Variants in RHD observed in about 807,000 individuals in gnomAD.
The protein encoded by RHD is blood group Rh(D) polypeptide.
A neutral mutation model predicts 45.5 loss-of-function variants in RHD; 16 were observed. The observed-to-expected ratio is 0.35, with a 90% confidence interval of 0.24 to 0.53. The LOEUF (loss-of-function observed/expected upper bound fraction) is 0.53, where lower values mean the gene tolerates loss of function less well. Ranked by LOEUF, RHD falls within the 20% of genes least tolerant of loss-of-function variation. RHD has a pLI of 0.92. For missense variants in RHD, 306 were observed against 532.0 expected (o/e 0.58, Z 4.18); for synonymous variants, 131 against 217.5 (o/e 0.60, Z 3.50).
At position 25,278,152 on chromosome 1, in the gene RHD, T is replaced by C. The variant is rs1172171239; in HGVS notation, c.148+5457T>C. 3.1e-5 allele frequency among the ~76,000 whole-genome samples: 4 copies of C among 129,226 alleles called. 1 individual carries two copies. The highest frequency in any genetic ancestry group is 5.5e-5 in the Non-Finnish European group (3 of 54,656). The allele number at this position is 129,226 out of a possible 152,430, so 84.8% of individuals were successfully genotyped here. A position where few individuals can be genotyped will look rare whatever the true frequency, so the allele number is the denominator to read the frequency against. Reference sequence around the variant, plus strand: ...AGATGGGCAGGGGCAGTGGAGGAGATTCTAGAGATATTTAGGAGATAAGTC... The same window carrying C: ...AGATGGGCAGGGGCAGTGGAGGAGACTCTAGAGATATTTAGGAGATAAGTC... On this transcript the variant is annotated intron_variant, in intron 1 of 9. Transcript: ENST00000328664.
rs1557534404 is a variant in RHD at position 25,295,851 on chromosome 1, T to TTTTTTTG, written c.486+5066_486+5067insGTTTTTT. On this transcript the variant is annotated intron_variant, in intron 3 of 9. Transcript: ENST00000328664. ...ATGGTCTGGGAGGGAATATGGGAAA[T>TTTTTTTG]TTTTTTTTTTTTTTTTTTTTTTTTT... 8.8e-5 allele frequency among the ~76,000 whole-genome samples: 3 copies of TTTTTTTG among 34,132 alleles called. 1 individual carries two copies. The highest frequency in any genetic ancestry group is 9.3e-5 in the Non-Finnish European group (1 of 10,720). 22.4% of individuals were successfully genotyped at this position (34,132 alleles called of 152,430 possible). A position where few individuals can be genotyped will look rare whatever the true frequency, so the allele number is the denominator to read the frequency against.
intron 9 of RHD, among the ~76,000 whole-genome samples, chr1:25,322,543 CAT>C (rs1644771415): frequency 7.6e-6 from 1 of 132,422 alleles, no homozygotes. Flanking sequence ...TGTGGTGGCA[CAT>C]GCCTGTAATC....
At chr1:25,308,407 C>A (rs6669352) in intron 7 of RHD, among the ~76,000 whole-genome samples, 2,737 of 123,422 alleles carry the variant, frequency 0.022, 434 homozygotes, top group African/African-American at 0.073. Flanking sequence ...TTTGAACAAG[C>A]CCCACAAGTG....
rs1643430591 is a variant in RHD at position 25,302,047 on chromosome 1, A to G, written c.801+361A>G. Among the ~76,000 whole-genome samples, 3 of 130,684 alleles carry G rather than the reference A, an allele frequency of 2.3e-5. 1 individual carries two copies. The highest frequency in any genetic ancestry group is 3.6e-5 in the Non-Finnish European group (2 of 55,204). 85.7% of individuals were successfully genotyped at this position (130,684 alleles called of 152,430 possible). A position where few individuals can be genotyped will look rare whatever the true frequency, so the allele number is the denominator to read the frequency against. On this transcript the variant is annotated intron_variant, in intron 5 of 9. Transcript: ENST00000328664. ...TTAGCCAGCCTCTCTCTTCCCCCCA[A>G]CAAATTTCAAGAATGGAACCATCAG...
Position 25,294,440 on chromosome 1 carries a change from G to A in RHD, c.486+3649G>A. ...GGAGCAAAACACTGACAACCCTCTC[G>A]CTAGTCCAGTGGAGAGATGCAGCCT... On this transcript the variant is annotated intron_variant, in intron 3 of 9. Transcript: ENST00000328664. The A allele has an allele frequency of 5.8e-6, 4 of 691,572 alleles. 1 individual carries two copies. The highest frequency in any genetic ancestry group is 2.1e-5 in the Admixed American group (1 of 48,748). The allele number at this position is 691,572 out of a possible 1,614,324, so 42.8% of individuals were successfully genotyped here.
chr1:25,321,938 T>A lies in RHD; in HGVS notation c.1203T>A (p.Tyr401Ter), dbSNP rs759513820. ...GGAAAGCACCTCATGAGGCTAAATA[T>A]TTTGATGACCAAGTTTTCTGGAAGG... ...KIWKAPHEAK[Y>*]FDDQVFWKFP... The change falls in exon 9 of 10, where the codon TAT becomes TAA. Residue 401 changes from tyrosine to a stop codon, truncating the protein, a stop_gained. Coordinates refer to ENST00000328664, the MANE Select transcript of RHD (RefSeq NM_016124.6). LOFTEE classifies it high-confidence loss of function. 4.5e-6 allele frequency: 6 copies of A among 1,335,102 alleles called. 1 individual carries two copies. Among genetic ancestry groups the A allele is most frequent in the South Asian group, 2.4e-5 (2 of 84,228 alleles). The allele number at this position is 1,335,102 out of a possible 1,614,324, so 82.7% of individuals were successfully genotyped here.
At chr1:25,290,892 C>A in intron 3 of RHD, 101 bp downstream of exon 3, 2 of 1,193,026 alleles carry the variant, frequency 1.7e-6, no homozygotes, top group South Asian at 1.2e-5. Flanking sequence ...ACCTGTAATC[C>A]CAGCTACTTG....
rs1644972851 is a variant in RHD, at chr1:25,330,209, G to A, written c.*1285G>A. On this transcript the variant is annotated 3_prime_UTR_variant, in exon 10 of 10. Coordinates refer to ENST00000328664, the MANE Select transcript of RHD (RefSeq NM_016124.6). The stretch of plus-strand genomic sequence containing the variant: ...GCTATGTGTCACACTTTGCCAAACA[G>A]GATGTGGAAAATGAATAAGCGGTTT... The A allele has an allele frequency of 7.5e-6, 1 of 132,946 alleles. No homozygotes were observed. Among genetic ancestry groups the A allele is most frequent in the Non-Finnish European group, 1.8e-5 (1 of 56,054 alleles). The allele number at this position is 132,946 out of a possible 1,614,324, so 8.2% of individuals were successfully genotyped here. A position where few individuals can be genotyped will look rare whatever the true frequency, so the allele number is the denominator to read the frequency against.
chr1:25,318,782 T>C lies in RHD; in HGVS notation c.1153+1703T>C, dbSNP rs1222186807. ...CACTTTACTCCCTCTGAGCCTTGGT[T>C]AGCTTCTCTGTAAAATGAAAGGATT... On this transcript the variant is annotated intron_variant, in intron 8 of 9. Coordinates refer to ENST00000328664, the MANE Select transcript of RHD (RefSeq NM_016124.6). Among the ~76,000 whole-genome samples the C allele has an allele frequency of 1.3e-4, 17 of 132,418 alleles. 4 individuals carry two copies. Among genetic ancestry groups the C allele is most frequent in the African/African-American group, 4.4e-4 (17 of 38,866 alleles). 86.9% of individuals were successfully genotyped at this position (132,418 alleles called of 152,430 possible). A position where few individuals can be genotyped will look rare whatever the true frequency, so the allele number is the denominator to read the frequency against.
At position 25,300,349 on chromosome 1, in the gene RHD, A is replaced by G. The variant is rs1643288506; in HGVS notation, c.487-597A>G. Among the ~76,000 whole-genome samples the G allele has an allele frequency of 2.3e-5, 3 of 130,232 alleles. No homozygotes were observed. The South Asian group carries it at 7.0e-4, about 31-fold the overall frequency. 85.4% of individuals were successfully genotyped at this position (130,232 alleles called of 152,430 possible). On this transcript the variant is annotated intron_variant, in intron 3 of 9. Transcript: ENST00000328664. ...CAACATAGCAAGATTCCATCTTTAC[A>G]CAAAATTTAAAAATTGGCCAGGCAT...
chr1:25,293,950 C>T, intron 3 of RHD, among the ~76,000 whole-genome samples: 1 of 131,778 alleles, frequency 7.6e-6, no homozygotes, highest in African/African-American at 2.6e-5. Context: ...CATTAACTCA[C>T]CAGAATACAG....
At position 25,314,669 on chromosome 1, in the gene RHD, T is replaced by G. The variant is rs1289848965; in HGVS notation, c.1074-2331T>G. On this transcript the variant is annotated intron_variant, in intron 7 of 9. Coordinates refer to ENST00000328664, the MANE Select transcript of RHD (RefSeq NM_016124.6). ...CCACCATGCCCAGCTAACTTCTGTA[T>G]AGACAAAATAATTTTTGGTAGAGAC... Among the ~76,000 whole-genome samples, 2 of 131,604 alleles carry G rather than the reference T, an allele frequency of 1.5e-5. 1 individual carries two copies. The highest frequency in any genetic ancestry group is 5.2e-5 in the African/African-American group (2 of 38,672). 86.3% of individuals were successfully genotyped at this position (131,604 alleles called of 152,430 possible).
At position 25,298,577 on chromosome 1, in the gene RHD, T is replaced by C. The variant is rs1206219657; in HGVS notation, c.487-2369T>C. On this transcript the variant is annotated intron_variant, in intron 3 of 9. Transcript: ENST00000328664. Reference sequence around the variant, plus strand: ...CTTCCTGAACTCCTTCCTGGTGGAGTTCAAAGAGATGAAAAACACAAGCCC... The same window carrying C: ...CTTCCTGAACTCCTTCCTGGTGGAGCTCAAAGAGATGAAAAACACAAGCCC... Among the ~76,000 whole-genome samples the C allele has an allele frequency of 5.3e-5, 7 of 131,390 alleles. 1 individual carries two copies. The highest frequency in any genetic ancestry group is 1.8e-4 in the African/African-American group (7 of 38,276). 86.2% of individuals were successfully genotyped at this position (131,390 alleles called of 152,430 possible).
rs1306787562 is a variant in RHD, at chr1:25,291,748, T to C, written c.486+957T>C. On this transcript the variant is annotated intron_variant, in intron 3 of 9. Coordinates refer to ENST00000328664, the MANE Select transcript of RHD (RefSeq NM_016124.6). ...GTCAGTAACTGCATATGTCCTCTCA[T>C]TGGGAGAGCCTGTCGAAAGTCTAAA... 1.5e-5 allele frequency among the ~76,000 whole-genome samples: 2 copies of C among 132,586 alleles called. 1 individual carries two copies. The highest frequency in any genetic ancestry group is 3.6e-5 in the Non-Finnish European group (2 of 55,930). 87.0% of individuals were successfully genotyped at this position (132,586 alleles called of 152,430 possible).
chr1:25,309,358 C>G lies in RHD; in HGVS notation c.1073+2629C>G, dbSNP rs1299113408. On this transcript the variant is annotated intron_variant, in intron 7 of 9. Transcript: ENST00000328664. The stretch of plus-strand genomic sequence containing the variant: ...GAAAGTCCCCACTTGGCCTGAGAAT[C>G]TCTGCACCCTTCTAGCTCTTGTTAA... Among the ~76,000 whole-genome samples the G allele has an allele frequency of 4.6e-5, 6 of 131,386 alleles. No individual in the cohort carries two copies. In the East Asian group the frequency reaches 1.2e-3, roughly 26 times the overall value. The allele number at this position is 131,386 out of a possible 152,430, so 86.2% of individuals were successfully genotyped here. A position where few individuals can be genotyped will look rare whatever the true frequency, so the allele number is the denominator to read the frequency against.
intron 7 of RHD, among the ~76,000 whole-genome samples, chr1:25,314,930 C>T (rs1571728705): frequency 1.5e-5 from 2 of 130,874 alleles, no homozygotes; most frequent in Middle Eastern, 4.2e-3. Flanking sequence ...TTGCAGCCAG[C>T]GCGGTGGCTC....
intron 9 of RHD, among the ~76,000 whole-genome samples, chr1:25,324,532 G>A (rs1426232164): frequency 2.0e-5 from 3 of 152,108 alleles, no homozygotes; most frequent in African/African-American, 7.3e-5. Context: ...ACTTCACTGG[G>A]TTATTTTAAA....
intron 3 of RHD, among the ~76,000 whole-genome samples, chr1:25,296,231 C>T (rs1389762625): frequency 8.1e-6 from 1 of 123,754 alleles, no homozygotes; most frequent in African/African-American, 2.8e-5. Flanking sequence ...CTAAATACTT[C>T]AGTGTACATT....
chr1:25,305,847 C>G (rs1400452074), intron 6 of RHD, among the ~76,000 whole-genome samples: 1 of 131,040 alleles, frequency 7.6e-6, no homozygotes, highest in Non-Finnish European at 1.8e-5. Flanking sequence ...GGTGATCCAC[C>G]CATGTCGGCC....
Sources: gnomAD v4.1 joint callset for allele counts (sites outside exome capture counted in the v4.1 genomes callset) on GRCh38, gnomAD v4.1.1 for gene constraint, MANE v1.5 for transcripts, NCBI Gene and HGNC (gene_info 2026-07-23, HGNC 2026-07-21) for gene names.